The following GOLPH3 variants were observed in gnomAD, a reference collection of about 807,000 sequenced individuals.
The protein encoded by GOLPH3 is golgi phosphoprotein 3, also known as coat protein GPP34.
Under a neutral mutation model 28.5 loss-of-function variants are expected in GOLPH3, and 14 were observed. The ratio of observed to expected loss-of-function variants is 0.49; its 90% CI spans 0.32 to 0.77. The LOEUF is 0.77. GOLPH3 is among the 30% of genes least tolerant of loss of function. The pLI is 0.03. For synonymous variants in GOLPH3, 158 were observed against 159.2 expected, an observed-to-expected ratio of 0.99 and a Z score of 0.06; for missense variants, 350 against 393.7, an observed-to-expected ratio of 0.89 and a Z score of 0.94.
chr5:32,133,193 A>C (rs2111840053), intron 3 of GOLPH3, among the ~76,000 whole-genome samples: 1 of 152,336 alleles, frequency 6.6e-6, no homozygotes, highest in East Asian at 1.9e-4. Flanking sequence ...TTCACTGCTT[A>C]ATCAAGTGGG....
chr5:32,157,146 A>T (rs1169529148), intron 1 of GOLPH3, among the ~76,000 whole-genome samples: 1 of 152,198 alleles, frequency 6.6e-6, no homozygotes, highest in African/African-American at 2.4e-5. Flanking sequence ...CAGGGATCTT[A>T]TCTGCCACTC....
rs570634806 is a variant in GOLPH3, at chr5:32,125,033, T to C, written c.*1179A>G. On this transcript the variant is annotated 3_prime_UTR_variant, in exon 4 of 4. Transcript: ENST00000265070. The stretch of plus-strand genomic sequence containing the variant: ...AAAGCAAAGGTTTATAGTCTGACAA[T>C]GCTAATTATCCTAATTGTATATAAA... 1.3e-5 allele frequency: 2 copies of C among 152,766 alleles called. No individual in the cohort carries two copies. The highest frequency in any genetic ancestry group is 4.1e-4 in the South Asian group (2 of 4,834). The allele number at this position is 152,766 out of a possible 1,614,324, so 9.5% of individuals were successfully genotyped here. A position where few individuals can be genotyped will look rare whatever the true frequency, so the allele number is the denominator to read the frequency against.
intron 1 of GOLPH3, 44 bp downstream of exon 1, chr5:32,173,766 G>A: frequency 3.9e-6 from 5 of 1,287,582 alleles, no homozygotes; most frequent in South Asian, 2.4e-5. Flanking sequence ...CCTGGCGCCC[G>A]GGCCCCGCGC....
intron 2 of GOLPH3, among the ~76,000 whole-genome samples, chr5:32,137,909 GTTT>G (rs397997289): frequency 1.4e-5 from 2 of 143,138 alleles, no homozygotes; most frequent in Admixed American, 1.4e-4. Context: ...GGTTTTTTTT[GTTT>G]TTTTTTTTTG....
intron 1 of GOLPH3, among the ~76,000 whole-genome samples, chr5:32,161,668 T>C (rs1160640222): frequency 6.6e-6 from 1 of 151,260 alleles, no homozygotes; most frequent in Admixed American, 6.6e-5. Context: ...AAGCAGTATC[T>C]GGAAAAGAGG....
At chr5:32,154,928 C>A (rs980959519) in intron 1 of GOLPH3, among the ~76,000 whole-genome samples, 5 of 151,944 alleles carry the variant, frequency 3.3e-5, no homozygotes, top group African/African-American at 1.2e-4. Flanking sequence ...ACTAAAAATA[C>A]AAAAATTAGC....
chr5:32,165,440 C>A lies in GOLPH3; in HGVS notation c.225+8370G>T, dbSNP rs547909186. ...TCTACTAAAAATACAAAAAGTACCC[C>A]TGTGTGGTGGTGAGTGCCTGTAATC... On this transcript the variant is annotated intron_variant, in intron 1 of 3. Coordinates refer to ENST00000265070, the MANE Select transcript of GOLPH3 (RefSeq NM_022130.4). 2.0e-5 allele frequency among the ~76,000 whole-genome samples: 3 copies of A among 152,174 alleles called. No homozygotes were observed. The South Asian group carries it at 6.2e-4, about 32-fold the overall frequency.
intron 1 of GOLPH3, among the ~76,000 whole-genome samples, chr5:32,170,708 G>A (rs1453735817): frequency 6.6e-6 from 1 of 152,054 alleles, no homozygotes; most frequent in Non-Finnish European, 1.5e-5. Context: ...GCTACTCAGG[G>A]CGGATCACTT....
At chr5:32,170,221 CA>C (rs1746801441) in intron 1 of GOLPH3, among the ~76,000 whole-genome samples, 1 of 152,200 alleles carries the variant, frequency 6.6e-6, no homozygotes, top group East Asian at 1.9e-4. Flanking sequence ...ACACAAAGTA[CA>C]AAAAACTAGG....
chr5:32,159,476 C>T (rs1746527697), intron 1 of GOLPH3, among the ~76,000 whole-genome samples: 1 of 152,192 alleles, frequency 6.6e-6, no homozygotes, highest in Non-Finnish European at 1.5e-5. Context: ...GACTGGGGTG[C>T]TTGACTGGTA....
intron 1 of GOLPH3, among the ~76,000 whole-genome samples, chr5:32,165,677 T>G (rs930523193): frequency 6.6e-5 from 10 of 152,232 alleles, no homozygotes; most frequent in African/African-American, 2.4e-4. Context: ...ATGAATGAAC[T>G]TGAAGACAGA....
chr5:32,142,787 C>A (rs1259200205), intron 2 of GOLPH3, among the ~76,000 whole-genome samples: 1 of 146,640 alleles, frequency 6.8e-6, no homozygotes, highest in Non-Finnish European at 1.5e-5. Flanking sequence ...AAGTGAGGAG[C>A]CCCTCTGTCC....
chr5:32,172,080 G>A (rs1581561436), intron 1 of GOLPH3, among the ~76,000 whole-genome samples: 1 of 152,144 alleles, frequency 6.6e-6, no homozygotes, highest in African/African-American at 2.4e-5. Flanking sequence ...CAAAGAACAA[G>A]GAACTGCACA....
At chr5:32,129,349 A>G (rs1359885055) in intron 3 of GOLPH3, among the ~76,000 whole-genome samples, 2 of 152,244 alleles carry the variant, frequency 1.3e-5, no homozygotes, top group African/African-American at 4.8e-5. Context: ...TCTTAGAACG[A>G]AGCCTAACAC....
In GOLPH3 at chr5:32,126,305, C is replaced by T; in HGVS notation, c.804G>A (p.Val268=). The T allele has an allele frequency of 1.2e-6, 2 of 1,614,160 alleles. No individual in the cohort carries two copies. Among genetic ancestry groups the T allele is most frequent in the Non-Finnish European group, 8.5e-7 (1 of 1,180,034 alleles). Reference sequence around the variant, plus strand: ...CAGGGTCTAAGTCGAGAAGCTGCCGCACTCTCTTGGTAGCCAAATCATACT... The same window carrying T: ...CAGGGTCTAAGTCGAGAAGCTGCCGTACTCTCTTGGTAGCCAAATCATACT... The part of the protein sequence containing the change: ...DEQYDLATKR[V]RQLLDLDPEV... Residue 268 remains valine, a synonymous_variant, in exon 4 of 4, where the codon GTG becomes GTA. Transcript: ENST00000265070.
chr5:32,145,943 C>T (rs914769145), intron 1 of GOLPH3, among the ~76,000 whole-genome samples: 1 of 152,108 alleles, frequency 6.6e-6, no homozygotes, highest in South Asian at 2.1e-4. Flanking sequence ...CAGAAAAGTA[C>T]AGTATGTTGA....
intron 2 of GOLPH3, among the ~76,000 whole-genome samples, chr5:32,138,670 T>C (rs574250021): frequency 2.0e-5 from 3 of 152,358 alleles, no homozygotes; most frequent in Non-Finnish European, 2.9e-5. Flanking sequence ...AATATATTTT[T>C]CCATACTAAG....
At chr5:32,151,792 G>A (rs549572902) in intron 1 of GOLPH3, among the ~76,000 whole-genome samples, 1 of 152,308 alleles carries the variant, frequency 6.6e-6, no homozygotes, top group East Asian at 1.9e-4. Context: ...ACAGATCTAT[G>A]TAAAATTCTG....
chr5:32,162,897 T>A (rs1050897489), intron 1 of GOLPH3, among the ~76,000 whole-genome samples: 1 of 152,034 alleles, frequency 6.6e-6, no homozygotes, highest in African/African-American at 2.4e-5. Context: ...GCTAACACAG[T>A]GAAACCCCGT....
Sources: gnomAD v4.1 joint callset for allele counts (sites outside exome capture counted in the v4.1 genomes callset) on GRCh38, gnomAD v4.1.1 for gene constraint, MANE v1.5 for transcripts, NCBI Gene and HGNC (gene_info 2026-07-23, HGNC 2026-07-21) for gene names.